ERCC6L2: variants seen among roughly 807,000 people sequenced by gnomAD.
ERCC6L2 encodes the protein DNA excision repair protein ERCC-6-like 2.
Under a neutral mutation model 132.0 loss-of-function variants are expected in ERCC6L2, and 77 were observed. The observed-to-expected ratio is 0.58, with a 90% CI of 0.49 to 0.71. The LOEUF (loss-of-function observed/expected upper bound fraction) is 0.71, where lower values mean the gene tolerates loss of function less well. ERCC6L2 is among the 30% of genes least tolerant of loss of function. The pLI, the probability that ERCC6L2 is intolerant of heterozygous loss-of-function variation, is 0.00. For synonymous variants in ERCC6L2, 583 were observed against 632.4 expected, an observed-to-expected ratio of 0.92 and a Z score of 1.17; for missense variants, 1,542 against 1,837.6, an observed-to-expected ratio of 0.84 and a Z score of 2.94.
intron 13 of ERCC6L2, among the ~76,000 whole-genome samples, 161 bp from the exon 14 acceptor site, chr9:95,966,401 C>T (rs1832158243): frequency 6.6e-6 from 1 of 152,040 alleles, no homozygotes; most frequent in African/African-American, 2.4e-5. Context: ...ATTATTTCAC[C>T]ATAATGGCAA....
At chr9:95,897,577 T>A (rs571365470) in intron 2 of ERCC6L2, among the ~76,000 whole-genome samples, 28 of 152,116 alleles carry the variant, frequency 1.8e-4, no homozygotes, top group Non-Finnish European at 3.1e-4. Context: ...GAAGGTAGTG[T>A]CTCAAGTGAT....
intron 11 of ERCC6L2, among the ~76,000 whole-genome samples, chr9:95,933,982 A>C (rs1830453595): frequency 6.6e-6 from 1 of 151,346 alleles, no homozygotes; most frequent in Non-Finnish European, 1.5e-5. Context: ...TTGTAGGAGA[A>C]AAGATTATCA....
At position 95,912,785 on chromosome 9, in the gene ERCC6L2, C is replaced by G. The variant is rs114900697; in HGVS notation, c.789-2883C>G. Among the ~76,000 whole-genome samples, 1,488 of 152,216 alleles carry G rather than the reference C, an allele frequency of 9.8e-3. 15 individuals carry two copies. The highest frequency in any genetic ancestry group is 0.041 in the Middle Eastern group (12 of 294). On this transcript the variant is annotated intron_variant, in intron 4 of 18. Coordinates refer to ENST00000653738, the MANE Select transcript of ERCC6L2 (RefSeq NM_020207.7). ...TATATGACTTTTTGAGAGGACCAGG[C>G]CAGTCAGTTGTTTTAGGATATCTCA...
In ERCC6L2 at chr9:95,972,673, AG is replaced by A. The variant is rs1832473438; in HGVS notation, c.2924del (p.Gly975AlafsTer20). ...CCCTGAAATCTATTTTGAAAAGAAA[AG>A]GCACCAGTGATATCAGTGATGAATC... ...TTLKSILKRK[G>X]TSDISDESDD... is the part of the protein sequence containing the mutation. On this transcript the variant is annotated frameshift_variant, in exon 16 of 19. Coordinates refer to ENST00000653738, the MANE Select transcript of ERCC6L2 (RefSeq NM_020207.7). LOFTEE classifies it high-confidence loss of function. 7.7e-7 allele frequency: 1 copy of A among 1,298,872 alleles called. No individual in the cohort carries two copies. 80.5% of individuals were successfully genotyped at this position (1,298,872 alleles called of 1,614,324 possible).
At chr9:95,930,095 C>G (rs1830271330) in intron 11 of ERCC6L2, among the ~76,000 whole-genome samples, 1 of 152,080 alleles carries the variant, frequency 6.6e-6, no homozygotes, top group African/African-American at 2.4e-5. Flanking sequence ...GCTGATCCTT[C>G]TATTTGTTGT....
At chr9:95,941,597 A>G (rs1208850620) in intron 12 of ERCC6L2, 48 bp downstream of exon 12, 1 of 1,358,894 alleles carries the variant, frequency 7.4e-7, no homozygotes. Context: ...CTTTTAATCT[A>G]AAAATACTCT....
chr9:95,981,033 C>T (rs889475441), intron 17 of ERCC6L2, among the ~76,000 whole-genome samples: 2 of 152,074 alleles, frequency 1.3e-5, no homozygotes, highest in Non-Finnish European at 2.9e-5. Context: ...CAGTTGCAGA[C>T]GTATTGTCTC....
At chr9:96,030,550 AAATT>A (rs1228167848) in intron 19 of ERCC6L2, among the ~76,000 whole-genome samples, 1 of 151,874 alleles carries the variant, frequency 6.6e-6, no homozygotes, top group Non-Finnish European at 1.5e-5. Flanking sequence ...AAATACAAAA[AAATT>A]AGCCGGGCGT....
rs543364727 is a variant in ERCC6L2, at chr9:95,981,818, T to C, written c.3492+3603T>C. On this transcript the variant is annotated intron_variant, in intron 17 of 18. Coordinates refer to ENST00000653738, the MANE Select transcript of ERCC6L2 (RefSeq NM_020207.7). Reference sequence around the variant, plus strand: ...TTTTCAACTTAAGTTTACTTAAAATTTTCTGAAAAGAAATGTACAAAGACA... The same window carrying C: ...TTTTCAACTTAAGTTTACTTAAAATCTTCTGAAAAGAAATGTACAAAGACA... Among the ~76,000 whole-genome samples, 4 of 152,298 alleles carry C rather than the reference T, an allele frequency of 2.6e-5. No homozygotes were observed. The South Asian group carries it at 8.3e-4, about 32-fold the overall frequency.
At chr9:96,019,572 GC>G (rs1276528862), downstream of ERCC6L2, among the ~76,000 whole-genome samples, 4 of 152,116 alleles carry the variant, frequency 2.6e-5, no homozygotes, top group Non-Finnish European at 5.9e-5. Context: ...TCAATGACCT[GC>G]CCACTGTTGC....
chr9:95,973,639 T>G (rs888555357), intron 16 of ERCC6L2, among the ~76,000 whole-genome samples: 1 of 152,058 alleles, frequency 6.6e-6, no homozygotes, highest in African/African-American at 2.4e-5. Context: ...TTATTCGCTA[T>G]CATGAGAACA....
intron 2 of ERCC6L2, among the ~76,000 whole-genome samples, chr9:95,888,898 T>C (rs1287439417): frequency 2.0e-5 from 3 of 152,174 alleles, no homozygotes. Context: ...ATATTTTAAT[T>C]AATATAATTA....
chr9:95,918,518 T>C, intron 6 of ERCC6L2: 3 of 493,618 alleles, frequency 6.1e-6, no homozygotes, highest in Non-Finnish European at 1.2e-5. Context: ...CATACCTACT[T>C]GCTAAAGACA....
chr9:96,010,543 CTG>C (rs548548336), intron 18 of ERCC6L2, among the ~76,000 whole-genome samples: 36 of 152,320 alleles, frequency 2.4e-4, no homozygotes, highest in Non-Finnish European at 2.6e-4. Flanking sequence ...TCCTGCCCCT[CTG>C]TGAACCAGGT....
Position 96,015,464 on chromosome 9 carries a change from A to T in ERCC6L2, c.*2261A>T, listed in dbSNP as rs376571728. ...TGTCCTCCCAAAGTGCTGGGATTAC[A>T]GGTGTGAGCCACCATGCCCAGCCAA... is the stretch of plus-strand genomic sequence containing the variant. On this transcript the variant is annotated 3_prime_UTR_variant, in exon 19 of 19. Coordinates refer to ENST00000653738, the MANE Select transcript of ERCC6L2 (RefSeq NM_020207.7). Among the ~76,000 whole-genome samples the T allele has an allele frequency of 1.1e-3, 165 of 151,432 alleles. 1 individual carries two copies. Among genetic ancestry groups the T allele is most frequent in the African/African-American group, 3.8e-3 (157 of 41,384 alleles).
chr9:95,997,437 TAGCAAAGAGCGATTTCTTA>T (rs1209309695), intron 17 of ERCC6L2, among the ~76,000 whole-genome samples: 1 of 152,218 alleles, frequency 6.6e-6, no homozygotes, highest in Non-Finnish European at 1.5e-5. Context: ...TCTTATGGAT[TAGCAAAGAGCGATTTCTTA>T]AGATGGACTC....
chr9:95,952,919 C>T (rs1475224397), intron 12 of ERCC6L2, among the ~76,000 whole-genome samples: 1 of 152,010 alleles, frequency 6.6e-6, no homozygotes, highest in Non-Finnish European at 1.5e-5. Context: ...TCAGTGGTGT[C>T]ATGATTGAAT....
At chr9:95,885,206 A>G (rs555884221) in intron 2 of ERCC6L2, among the ~76,000 whole-genome samples, 4 of 152,204 alleles carry the variant, frequency 2.6e-5, no homozygotes, top group African/African-American at 4.8e-5. Context: ...ATGAAAAGCC[A>G]TATTCTCACC....
At chr9:95,881,594 C>T (rs1257367135) in intron 2 of ERCC6L2, among the ~76,000 whole-genome samples, 1 of 152,196 alleles carries the variant, frequency 6.6e-6, no homozygotes, top group Admixed American at 6.5e-5. Flanking sequence ...AGTCATTTAA[C>T]TTTCTTCATA....
Sources: gnomAD v4.1 joint callset for allele counts (sites outside exome capture counted in the v4.1 genomes callset) on GRCh38, gnomAD v4.1.1 for gene constraint, MANE v1.5 for transcripts, NCBI Gene and HGNC (gene_info 2026-07-23, HGNC 2026-07-21) for gene names.